Variants in DGKB observed in about 807,000 individuals in gnomAD.
The protein encoded by DGKB is 90 kDa diacylglycerol kinase.
Under a neutral mutation model 114.3 loss-of-function variants are expected in DGKB, and 67 were observed. The ratio of observed to expected loss-of-function variants is 0.59; its 90% confidence interval spans 0.48 to 0.72. The LOEUF is 0.72. Among genes scored for constraint, DGKB ranks in the 30% least tolerant of loss-of-function variants. The pLI is 0.00. For synonymous variants in DGKB, 398 were observed against 323.1 expected (o/e 1.23, Z -2.49); for missense variants, 907 against 975.2 (o/e 0.93, Z 0.93).
At chr7:14,689,205 T>TTTTTTTTTTTTA (rs1563917504) in intron 9 of DGKB, among the ~76,000 whole-genome samples, 1 of 121,138 alleles carries the variant, frequency 8.3e-6, no homozygotes, top group Non-Finnish European at 1.8e-5. Flanking sequence ...TCTTATTTTT[T>TTTTTTTTTTTTA]TTTTTTTTTT....
chr7:14,822,700 G>C (rs956474938), intron 2 of DGKB, among the ~76,000 whole-genome samples: 1 of 152,098 alleles, frequency 6.6e-6, no homozygotes, highest in Non-Finnish European at 1.5e-5. Context: ...GTAGGTGTGG[G>C]TCTACAGAAT....
At chr7:14,318,361 G>A (rs1039680618) in intron 23 of DGKB, among the ~76,000 whole-genome samples, 1 of 151,856 alleles carries the variant, frequency 6.6e-6, no homozygotes, top group Non-Finnish European at 1.5e-5. Flanking sequence ...CCTATAGAAT[G>A]GGAGAAAATT....
chr7:14,474,643 T>C (rs1781899312), intron 21 of DGKB, among the ~76,000 whole-genome samples: 1 of 152,068 alleles, frequency 6.6e-6, no homozygotes, highest in African/African-American at 2.4e-5. Flanking sequence ...TAATTATTAA[T>C]ATCCTTTTTT....
intron 1 of DGKB, among the ~76,000 whole-genome samples, chr7:14,892,137 C>T (rs754983920): frequency 7.9e-5 from 12 of 151,222 alleles, no homozygotes; most frequent in Non-Finnish European, 1.6e-4. Context: ...TGAGGTGGGT[C>T]AAGCTACTGG....
At chr7:14,356,708 T>A (rs921584608) in intron 21 of DGKB, among the ~76,000 whole-genome samples, 4 of 152,160 alleles carry the variant, frequency 2.6e-5, no homozygotes, top group African/African-American at 4.8e-5. Flanking sequence ...GGATTTTAGA[T>A]CTTTCCTGCT....
At position 14,612,185 on chromosome 7, in the gene DGKB, A is replaced by AT. The variant is rs377174515; in HGVS notation, c.1358+1154dup. On this transcript the variant is annotated intron_variant, in intron 16 of 25. Coordinates refer to ENST00000402815, the MANE Select transcript of DGKB (RefSeq NM_001350709.2). Reference sequence around the variant, plus strand: ...ATTTTATTTTATTTTATTTTATTTTATTTATTTGAGACAGAGTCTCACACG... The same window carrying AT: ...ATTTTATTTTATTTTATTTTATTTTATTTTATTTGAGACAGAGTCTCACACG... 1.1e-3 allele frequency among the ~76,000 whole-genome samples: 166 copies of AT among 149,818 alleles called. 1 individual carries two copies. The highest frequency in any genetic ancestry group is 4.0e-3 in the African/African-American group (162 of 40,626).
chr7:14,702,141 C>G (rs1419547971), intron 6 of DGKB, among the ~76,000 whole-genome samples: 2 of 152,046 alleles, frequency 1.3e-5, no homozygotes, highest in Non-Finnish European at 1.5e-5. Context: ...CCACTATTCA[C>G]AATTATAAGA....
intron 21 of DGKB, among the ~76,000 whole-genome samples, chr7:14,418,196 T>G (rs1826009503): frequency 8.2e-6 from 1 of 122,656 alleles, no homozygotes; most frequent in Non-Finnish European, 1.7e-5. Flanking sequence ...TATAAAAAAT[T>G]TTATATTTAT....
chr7:14,676,338 A>G lies in DGKB; in HGVS notation c.1036-3311T>C, dbSNP rs181180201. ...GAAAAGCTTTTTATAGTTTGAAAGA[A>G]TGAATAAGACCTACTATGTGATAGC... On this transcript the variant is annotated intron_variant, in intron 12 of 25. Transcript: ENST00000402815. Among the ~76,000 whole-genome samples the G allele has an allele frequency of 1.6e-3, 250 of 152,256 alleles. 2 individuals carry two copies. The highest frequency in any genetic ancestry group is 5.8e-3 in the African/African-American group (242 of 41,558).
At chr7:14,613,653 C>T (rs374556642) in intron 15 of DGKB, among the ~76,000 whole-genome samples, 27 of 150,898 alleles carry the variant, frequency 1.8e-4, no homozygotes, top group African/African-American at 5.9e-4. Flanking sequence ...GATAGAGGGC[C>T]GAGGGGAAGG....
chr7:14,473,579 A>G (rs1584228322), intron 21 of DGKB, among the ~76,000 whole-genome samples: 1 of 151,918 alleles, frequency 6.6e-6, no homozygotes, highest in African/African-American at 2.4e-5. Context: ...CATCCTCCAG[A>G]CCCCAGAATG....
intron 21 of DGKB, among the ~76,000 whole-genome samples, chr7:14,462,836 A>G (rs1186538243): frequency 1.3e-5 from 2 of 152,218 alleles, no homozygotes; most frequent in African/African-American, 2.4e-5. Context: ...ACCTGACTGC[A>G]AACTATATGA....
intron 4 of DGKB, among the ~76,000 whole-genome samples, chr7:14,737,823 G>A (rs1479703671): frequency 2.0e-5 from 3 of 151,612 alleles, no homozygotes; most frequent in African/African-American, 7.3e-5. Flanking sequence ...TAGCCCGGGA[G>A]GTGGAGGTTG....
intron 9 of DGKB, among the ~76,000 whole-genome samples, chr7:14,689,229 G>T (rs1227669776): frequency 4.3e-5 from 2 of 46,634 alleles, no homozygotes; most frequent in African/African-American, 1.3e-4. Context: ...TTTTTTGAGA[G>T]GAGTCTCGCT....
rs1584618400 is a variant in DGKB, at chr7:14,531,786, T to C, written c.1770+42426A>G. 2.0e-5 allele frequency among the ~76,000 whole-genome samples: 3 copies of C among 151,384 alleles called. No homozygotes were observed. The Middle Eastern group carries it at 0.01, about 515-fold the overall frequency. On this transcript the variant is annotated intron_variant, in intron 20 of 25. Transcript: ENST00000402815. ...TACACTATCTGATTTAGAAACTTTC[T>C]ACAGAAGCTATAGAAATCAGGATTG... is the stretch of plus-strand genomic sequence containing the variant.
At chr7:14,505,637 G>T (rs1028797405) in intron 20 of DGKB, among the ~76,000 whole-genome samples, 7 of 152,108 alleles carry the variant, frequency 4.6e-5, no homozygotes, top group African/African-American at 1.7e-4. Flanking sequence ...CTGTGTGTGT[G>T]TATAATTATC....
At chr7:14,170,295 G>C (rs560214279) in intron 25 of DGKB, among the ~76,000 whole-genome samples, 98 of 152,272 alleles carry the variant, frequency 6.4e-4, no homozygotes, top group South Asian at 1.0e-3. Flanking sequence ...GCCTTTTGCT[G>C]TGTGGCCTTG....
intron 20 of DGKB, among the ~76,000 whole-genome samples, chr7:14,560,090 A>G (rs1009716324): frequency 1.3e-5 from 2 of 151,804 alleles, no homozygotes; most frequent in Non-Finnish European, 2.9e-5. Flanking sequence ...TAATTGTGCT[A>G]ATTACATATT....
At chr7:14,487,086 G>A (rs531237023) in intron 20 of DGKB, among the ~76,000 whole-genome samples, 10 of 152,304 alleles carry the variant, frequency 6.6e-5, no homozygotes, top group African/African-American at 2.2e-4. Flanking sequence ...GTGGTGGGCA[G>A]AGTGTGTAGG....
Sources: allele counts gnomAD v4.1 joint callset (sites outside exome capture counted in the v4.1 genomes callset), GRCh38; gene constraint gnomAD v4.1.1; transcripts MANE v1.5; gene names NCBI Gene and HGNC (gene_info 2026-07-23, HGNC 2026-07-21).